The following ZFHX2 variants were observed in gnomAD, a reference collection of about 807,000 sequenced individuals.
ZFHX2 encodes zinc finger homeobox 2.
Under a neutral mutation model 164.8 loss-of-function variants are expected in ZFHX2, and 75 were observed. That is an observed-to-expected ratio of 0.46 (90% CI 0.38 to 0.55). ZFHX2 has a LOEUF of 0.55. Ranked by LOEUF, ZFHX2 falls within the 20% of genes least tolerant of loss-of-function variation. ZFHX2 has a pLI of 0.00. For synonymous variants in ZFHX2, 1,217 were observed against 1,351.4 expected (o/e 0.90, Z 2.18); for missense variants, 2,933 against 3,308.0 (o/e 0.89, Z 2.78).
chr14:23,523,965 C>G lies in ZFHX2; in HGVS notation c.5977G>C (p.Glu1993Gln), dbSNP rs1261090329. 6.5e-7 allele frequency: 1 copy of G among 1,533,802 alleles called. No individual in the cohort carries two copies. The highest frequency in any genetic ancestry group is 2.0e-5 in the Admixed American group (1 of 50,862). ...GGAGGTAGGAGAGGTAGAGGTGGCTCTGGTGTTGGGGTGGTGGCCTCTTTC... is the reference window on the plus strand; with the variant it reads ...GGAGGTAGGAGAGGTAGAGGTGGCTGTGGTGTTGGGGTGGTGGCCTCTTTC... Reference protein sequence around the residue: ...PGKEATTPTPEPPLPLLPPPP... With the variant: ...PGKEATTPTPQPPLPLLPPPP... The change falls in exon 9 of 10, where the codon GAG (glutamate) becomes CAG (glutamine). Residue 1993 changes from glutamate to glutamine, a missense_variant. Transcript: ENST00000419474. This position sits in a 1 kb window ranked among gnomAD's most constrained non-coding sequence, Gnocchi z 4.1.
rs1243626770 is a variant in ZFHX2 at position 23,524,559 on chromosome 14, A to G, written c.5383T>C (p.Ser1795Pro). 1 of 1,532,240 alleles carries G rather than the reference A, an allele frequency of 6.5e-7. No homozygotes were observed. The highest frequency in any genetic ancestry group is 8.7e-7 in the Non-Finnish European group (1 of 1,144,676). The allele number at this position is 1,532,240 out of a possible 1,614,324, so 94.9% of individuals were successfully genotyped here. A position where few individuals can be genotyped will look rare whatever the true frequency, so the allele number is the denominator to read the frequency against. Residue 1795 changes from serine to proline, a missense_variant, in exon 9 of 10, where the codon TCT (serine) becomes CCT (proline). Coordinates refer to ENST00000419474, the MANE Select transcript of ZFHX2 (RefSeq NM_033400.3). This position sits in a 1 kb window ranked among gnomAD's most constrained non-coding sequence, Gnocchi z 5.6. ...TSHRRLHFLP[S>P]LQPSAPPQLL... ...TGGGGGGGAGCACTGGGCTGCAGAG[A>G]TGGCAGGAAATGTAGTCGGCGGTGA...
intron 1 of ZFHX2, among the ~76,000 whole-genome samples, chr14:23,544,831 C>CG (rs2138888201): frequency 6.6e-6 from 1 of 152,300 alleles, no homozygotes; most frequent in East Asian, 1.9e-4. Flanking sequence ...TCTTTCCCTC[C>CG]GGCTCGCCAT....
Position 23,524,137 on chromosome 14 carries a change from G to T in ZFHX2, c.5805C>A (p.Ala1935=). Residue 1935 remains alanine (A), a synonymous_variant, in exon 9 of 10, where the codon GCC becomes GCA. Coordinates refer to ENST00000419474, the MANE Select transcript of ZFHX2 (RefSeq NM_033400.3). The surrounding 1 kb of genome is among the most constrained non-coding windows in gnomAD (Gnocchi z 5.6). The stretch of plus-strand genomic sequence containing the variant: ...TGAACTTGGGCAAGGATGCAGGGGT[G>T]GCTGTGGCAGGCGGTTTCACTGCTG... ...PSPAVKPPAT[A]TPASLPKFNL... 1.3e-6 allele frequency: 2 copies of T among 1,536,016 alleles called. No individual in the cohort carries two copies. The highest frequency in any genetic ancestry group is 2.4e-5 in the South Asian group (2 of 84,052).
At position 23,523,303 on chromosome 14, in the gene ZFHX2, G is replaced by C; in HGVS notation, c.6639C>G (p.Pro2213=). The change falls in exon 9 of 10, where the codon CCC becomes CCG. Residue 2213 remains proline (P), a synonymous_variant. Transcript: ENST00000419474. The surrounding 1 kb of genome is among the most constrained non-coding windows in gnomAD (Gnocchi z 4.1). ...GAGGCAAGGTTGGGGCAGCCCCGAG[G>C]GGCATGGAGGCAGGTGTGGTGGCAG... The part of the protein sequence containing the change: ...APPATTPASM[P]LGAAPTLPRL... 1 of 1,447,196 alleles carries C rather than the reference G, an allele frequency of 6.9e-7. No homozygotes were observed. Among genetic ancestry groups the C allele is most frequent in the East Asian group, 2.5e-5 (1 of 40,142 alleles). 89.6% of individuals were successfully genotyped at this position (1,447,196 alleles called of 1,614,324 possible). A position where few individuals can be genotyped will look rare whatever the true frequency, so the allele number is the denominator to read the frequency against.
rs1418845564 is a variant in ZFHX2 at position 23,522,325 on chromosome 14, C to G, written c.7356G>C (p.Leu2452=). Residue 2452 remains leucine, a synonymous_variant, in exon 10 of 10, where the codon CTG becomes CTC. Coordinates refer to ENST00000419474, the MANE Select transcript of ZFHX2 (RefSeq NM_033400.3). The stretch of plus-strand genomic sequence containing the variant: ...CAAATGCCATCTTGCACTGGCGGCA[C>G]AGGTAGCGATGGGTTACATCCACGG... ...ISTVDVTHRY[L]CRQCKMAFDG... 6.5e-7 allele frequency: 1 copy of G among 1,529,772 alleles called. No individual in the cohort carries two copies. Among genetic ancestry groups the G allele is most frequent in the Non-Finnish European group, 8.7e-7 (1 of 1,142,896 alleles). The allele number at this position is 1,529,772 out of a possible 1,614,324, so 94.8% of individuals were successfully genotyped here.
chr14:23,522,137 C>T lies in ZFHX2; in HGVS notation c.7544G>A (p.Arg2515His), dbSNP rs111511226. The T allele has an allele frequency of 7.1e-5, 109 of 1,525,278 alleles. No homozygotes were observed. The highest frequency in any genetic ancestry group is 9.4e-5 in the Non-Finnish European group (107 of 1,141,462). The allele number at this position is 1,525,278 out of a possible 1,614,324, so 94.5% of individuals were successfully genotyped here. A position where few individuals can be genotyped will look rare whatever the true frequency, so the allele number is the denominator to read the frequency against. ...SGREALASHL[R>H]SSAHRRKAAP... ...TGCCTTGCGCCTGTGGGCCGAGGAGCGCAGGTGGGAGGCTAGGGCTTCACG... is the reference window on the plus strand; with the variant it reads ...TGCCTTGCGCCTGTGGGCCGAGGAGTGCAGGTGGGAGGCTAGGGCTTCACG... Residue 2515 changes from arginine to histidine, a missense_variant, in exon 10 of 10, where the codon CGC becomes CAC. Arg to His is a conservative substitution (Grantham distance 29, BLOSUM62 0). Transcript: ENST00000419474.
rs2138684217 is a variant in ZFHX2 at position 23,525,681 on chromosome 14, C to G, written c.4261G>C (p.Glu1421Gln). The change falls in exon 9 of 10, where the codon GAG (glutamate) becomes CAG (glutamine). Residue 1421 changes from glutamate to glutamine, a missense_variant. Coordinates refer to ENST00000419474, the MANE Select transcript of ZFHX2 (RefSeq NM_033400.3). The surrounding 1 kb of genome is among the most constrained non-coding windows in gnomAD (Gnocchi z 5.9). ...TCGGGGGGTGAGGAAGGCCCTGCCT[C>G]ATTACCCTCTTTGGCCATGGGGGGC... ...ERPPMAKEGN[E>Q]AGPSSPPDPL... 1 of 1,532,190 alleles carries G rather than the reference C, an allele frequency of 6.5e-7. No individual in the cohort carries two copies. Among genetic ancestry groups the G allele is most frequent in the Admixed American group, 2.0e-5 (1 of 50,864 alleles). The allele number at this position is 1,532,190 out of a possible 1,614,324, so 94.9% of individuals were successfully genotyped here.
upstream of ZFHX2, among the ~76,000 whole-genome samples, chr14:23,554,007 T>C (rs1882158510): frequency 8.1e-6 from 1 of 123,458 alleles, no homozygotes; most frequent in Admixed American, 1.2e-4. Context: ...GAGGTTGCAG[T>C]GAGCTGAGAC....
chr14:23,532,534 C>T, intron 3 of ZFHX2, 33 bp downstream of exon 3: 1 of 1,428,772 alleles, frequency 7.0e-7, no homozygotes, highest in Non-Finnish European at 9.1e-7. Flanking sequence ...TTCCCTTCTC[C>T]TCTTCCGATG....
chr14:23,527,774 T>C lies in ZFHX2; in HGVS notation c.2965A>G (p.Ser989Gly). Residue 989 changes from serine (S) to glycine (G), a missense_variant, in exon 7 of 10, where the codon AGC (serine) becomes GGC (glycine). Transcript: ENST00000419474. ...VYCCPYCSFLSPESSQVRAHT... is the reference protein window; with the variant it reads ...VYCCPYCSFLGPESSQVRAHT... ...GCCCTCACCTGGCTGGACTCTGGGC[T>C]CAGGAAGCTGCAGTATGGACAGCAG... 1.3e-6 allele frequency: 2 copies of C among 1,536,052 alleles called. No individual in the cohort carries two copies. The highest frequency in any genetic ancestry group is 1.7e-6 in the Non-Finnish European group (2 of 1,146,906).
At position 23,527,802 on chromosome 14, in the gene ZFHX2, T is replaced by C. The variant is rs1325375381; in HGVS notation, c.2937A>G (p.Val979=). ...GGAAGCTGCAGTATGGACAGCAGTA[T>C]ACCTGGAGGGAACATATGGGCAGTG... The part of the protein sequence containing the change: ...PSRDSANQTT[V]YCCPYCSFLS... Residue 979 remains valine (V), a splice_region_variant and synonymous_variant, in exon 7 of 10, where the codon GTA becomes GTG. Coordinates refer to ENST00000419474, the MANE Select transcript of ZFHX2 (RefSeq NM_033400.3). The C allele has an allele frequency of 6.5e-7, 1 of 1,535,242 alleles. No homozygotes were observed. The highest frequency in any genetic ancestry group is 1.4e-5 in the African/African-American group (1 of 72,842).
chr14:23,521,447 A>G lies in ZFHX2; in HGVS notation c.*515T>C, dbSNP rs1336207922. Reference sequence around the variant, plus strand: ...TAGGAAGGAGAAGAGAGAGTGGCGAAGTTTGTTTTCCTTCCCCCTTCTTTG... The same window carrying G: ...TAGGAAGGAGAAGAGAGAGTGGCGAGGTTTGTTTTCCTTCCCCCTTCTTTG... On this transcript the variant is annotated 3_prime_UTR_variant, in exon 10 of 10. Coordinates refer to ENST00000419474, the MANE Select transcript of ZFHX2 (RefSeq NM_033400.3). The G allele has an allele frequency of 6.5e-6, 1 of 154,132 alleles. No individual in the cohort carries two copies. The highest frequency in any genetic ancestry group is 1.4e-5 in the Non-Finnish European group (1 of 69,430). The allele number at this position is 154,132 out of a possible 1,614,324, so 9.5% of individuals were successfully genotyped here. A position where few individuals can be genotyped will look rare whatever the true frequency, so the allele number is the denominator to read the frequency against.
Position 23,527,640 on chromosome 14 carries a change from G to A in ZFHX2, c.3099C>T (p.Asn1033=), listed in dbSNP as rs1168643365. The change falls in exon 7 of 10, where the codon AAC becomes AAT. Residue 1033 remains asparagine, a synonymous_variant. Coordinates refer to ENST00000419474, the MANE Select transcript of ZFHX2 (RefSeq NM_033400.3). ...ALHFHLSHLH[N]VVPECVEKLL... is the part of the protein sequence containing the mutation. ...GCTTCTCAACGCACTCGGGCACCACGTTGTGAAGGTGGCTAAGGTGGAAGT... is the reference window on the plus strand; with the variant it reads ...GCTTCTCAACGCACTCGGGCACCACATTGTGAAGGTGGCTAAGGTGGAAGT... 5.9e-6 allele frequency: 9 copies of A among 1,536,376 alleles called. No individual in the cohort carries two copies. Among genetic ancestry groups the A allele is most frequent in the African/African-American group, 2.7e-5 (2 of 73,042 alleles).
Position 23,523,612 on chromosome 14 carries a change from C to T in ZFHX2, c.6330G>A (p.Gln2110=). 1 of 1,557,184 alleles carries T rather than the reference C, an allele frequency of 6.4e-7. No individual in the cohort carries two copies. The highest frequency in any genetic ancestry group is 1.2e-5 in the South Asian group (1 of 86,034). The part of the protein sequence containing the change: ...EEIGLPKRVI[Q]VWFQNARAKE... ...TGGCACGAGCATTCTGGAACCAGAC[C>T]TGGATGACTCTCTTGGGCAGCCCAA... Residue 2110 remains glutamine (Q), a synonymous_variant, in exon 9 of 10, where the codon CAG becomes CAA. Transcript: ENST00000419474. The surrounding 1 kb of genome is among the most constrained non-coding windows in gnomAD (Gnocchi z 4.1).
rs1877924017 is a variant in ZFHX2 at position 23,521,125 on chromosome 14, T to C, written c.*837A>G. The C allele has an allele frequency of 2.0e-5, 3 of 152,202 alleles. No homozygotes were observed. The highest frequency in any genetic ancestry group is 2.0e-4 in the Admixed American group (3 of 15,280). 9.4% of individuals were successfully genotyped at this position (152,202 alleles called of 1,614,324 possible). A position where few individuals can be genotyped will look rare whatever the true frequency, so the allele number is the denominator to read the frequency against. ...CCCACGGCCGCTGAGAGGATCTCTG[T>C]GTTTAAAGCCTTTGAGAATAAGTTA... On this transcript the variant is annotated 3_prime_UTR_variant, in exon 10 of 10. Transcript: ENST00000419474.
intron 6 of ZFHX2, 109 bp from the exon 7 acceptor site, chr14:23,527,913 T>TC (rs1163099970): frequency 2.8e-6 from 3 of 1,059,166 alleles, no homozygotes; most frequent in East Asian, 5.2e-5. Context: ...TTTTTTTTTT[T>TC]TTTTTTTTTT....
chr14:23,532,764 G>T lies in ZFHX2; in HGVS notation c.2362C>A (p.Leu788Met). 6.5e-7 allele frequency: 1 copy of T among 1,536,290 alleles called. No homozygotes were observed. The highest frequency in any genetic ancestry group is 8.7e-7 in the Non-Finnish European group (1 of 1,146,934). The part of the protein sequence containing the change: ...KTDKHAQKYQ[L>M]AAHLREGGGA... ...CCCCCCTCCCGCAGGTGGGCTGCCA[G>T]CTGGTACTTCTGAGCATGTTTGTCA... The change falls in exon 3 of 10, where the codon CTG becomes ATG. Residue 788 changes from leucine to methionine, a missense_variant. Transcript: ENST00000419474.
intron 6 of ZFHX2, chr14:23,528,793 C>T (rs1330166337): frequency 1.0e-6 from 1 of 985,342 alleles, no homozygotes; most frequent in African/African-American, 1.7e-5. Context: ...TTCTCAGCCA[C>T]ACTTCCAGAG....
At position 23,523,164 on chromosome 14, in the gene ZFHX2, G is replaced by A; in HGVS notation, c.6739+39C>T. ...GAAGGGCATGTCATTAGAGGGGGAT[G>A]TTCTCTGAAGTCCAGCTCCTCCCAG... On this transcript the variant is annotated intron_variant, in intron 9 of 9. Transcript: ENST00000419474. This position sits in a 1 kb window ranked among gnomAD's most constrained non-coding sequence, Gnocchi z 4.1. 7.1e-7 allele frequency: 1 copy of A among 1,410,194 alleles called. No homozygotes were observed. Among genetic ancestry groups the A allele is most frequent in the Non-Finnish European group, 9.2e-7 (1 of 1,088,022 alleles). 87.4% of individuals were successfully genotyped at this position (1,410,194 alleles called of 1,614,324 possible).
Sources: gnomAD v4.1 joint callset for allele counts (sites outside exome capture counted in the v4.1 genomes callset) on GRCh38, gnomAD v4.1.1 for gene constraint, Gnocchi (gnomAD v3.1) non-coding constraint, MANE v1.5 for transcripts, NCBI Gene and HGNC (gene_info 2026-07-23, HGNC 2026-07-21) for gene names.